Variants in CCSER1 observed in about 807,000 individuals in gnomAD.
CCSER1 encodes coiled-coil serine rich protein 1.
A neutral mutation model predicts 82.0 loss-of-function variants in CCSER1; 41 were observed. The observed-to-expected ratio is 0.50, with a 90% CI of 0.39 to 0.65. The LOEUF (loss-of-function observed/expected upper bound fraction) is 0.65, where lower values mean the gene tolerates loss of function less well. Among genes scored for constraint, CCSER1 ranks in the 30% least tolerant of loss-of-function variants. The pLI is 0.00. For missense variants in CCSER1, 1,119 were observed against 1,064.2 expected, an observed-to-expected ratio of 1.05 and a Z score of -0.72; for synonymous variants, 414 against 383.9, an observed-to-expected ratio of 1.08 and a Z score of -0.92.
At chr4:90,304,789 A>T (rs908622145) in intron 1 of CCSER1, among the ~76,000 whole-genome samples, 29 of 152,330 alleles carry the variant, frequency 1.9e-4, no homozygotes, top group African/African-American at 7.0e-4. Flanking sequence ...CCTAAAACTT[A>T]AAGTATAATA....
chr4:91,487,725 G>T (rs978887896), intron 10 of CCSER1, among the ~76,000 whole-genome samples: 11 of 151,760 alleles, frequency 7.2e-5, no homozygotes, highest in African/African-American at 2.4e-4. Flanking sequence ...TCATTCACTT[G>T]AATATCACTA....
chr4:91,352,394 G>C (rs1053995150), intron 10 of CCSER1, among the ~76,000 whole-genome samples: 1 of 152,134 alleles, frequency 6.6e-6, no homozygotes, highest in African/African-American at 2.4e-5. Flanking sequence ...CTACAGGCGT[G>C]TGCCACCATG....
chr4:91,560,361 G>C (rs1460398040), intron 10 of CCSER1, among the ~76,000 whole-genome samples: 1 of 151,332 alleles, frequency 6.6e-6, no homozygotes, highest in Non-Finnish European at 1.5e-5. Context: ...TTGATTATTT[G>C]GCATTGATAT....
intron 10 of CCSER1, among the ~76,000 whole-genome samples, chr4:91,364,388 A>C (rs1429174629): frequency 6.6e-6 from 1 of 152,050 alleles, no homozygotes. Context: ...GTGTGGTACT[A>C]TTTAATTACA....
At position 91,500,685 on chromosome 4, in the gene CCSER1, G is replaced by A. The variant is rs532430977; in HGVS notation, c.2218-97887G>A. 5.3e-5 allele frequency among the ~76,000 whole-genome samples: 8 copies of A among 151,934 alleles called. No individual in the cohort carries two copies. The South Asian group carries it at 1.7e-3, about 32-fold the overall frequency. On this transcript the variant is annotated intron_variant, in intron 10 of 10. Coordinates refer to ENST00000509176, the MANE Select transcript of CCSER1 (RefSeq NM_001145065.2). ...TTTGCCTTTTCTTTTGAGCAACCTT[G>A]GGAAACTTACTCAAACATTTTGTGC...
At chr4:91,440,385 A>T (rs1285249469) in intron 10 of CCSER1, among the ~76,000 whole-genome samples, 2 of 152,226 alleles carry the variant, frequency 1.3e-5, no homozygotes, top group Non-Finnish European at 2.9e-5. Context: ...TAACGAAATG[A>T]AGGCAGAAAT....
At chr4:91,250,497 G>A (rs141044521) in intron 10 of CCSER1, among the ~76,000 whole-genome samples, 28 of 151,914 alleles carry the variant, frequency 1.8e-4, no homozygotes, top group African/African-American at 6.0e-4. Context: ...AAATGACTAG[G>A]CAAATAGGTA....
intron 1 of CCSER1, among the ~76,000 whole-genome samples, chr4:90,280,571 T>TG (rs1223742552): frequency 6.6e-6 from 1 of 151,978 alleles, no homozygotes; most frequent in Non-Finnish European, 1.5e-5. Flanking sequence ...TTAAATTGTA[T>TG]GGTGTTTGAT....
At position 90,227,903 on chromosome 4, in the gene CCSER1, C is replaced by T. The variant is rs138807906; in HGVS notation, c.-41-80341C>T. ...TCGGGTCACTTCCACCCGAATACAG[C>T]GCTTTTCCGACGGGCTTAAAAAACG... On this transcript the variant is annotated intron_variant, in intron 1 of 10. Coordinates refer to ENST00000509176, the MANE Select transcript of CCSER1 (RefSeq NM_001145065.2). Among the ~76,000 whole-genome samples the T allele has an allele frequency of 7.7e-3, 1,179 of 152,302 alleles. 15 individuals carry two copies. Among genetic ancestry groups the T allele is most frequent in the African/African-American group, 0.027 (1,132 of 41,568 alleles).
chr4:90,595,006 TTAAG>T (rs1393769249), intron 5 of CCSER1, among the ~76,000 whole-genome samples: 1 of 152,028 alleles, frequency 6.6e-6, no homozygotes, highest in Non-Finnish European at 1.5e-5. Flanking sequence ...TTTTTATACT[TTAAG>T]TGACTAATTA....
At chr4:90,959,596 C>T (rs943557167) in intron 9 of CCSER1, among the ~76,000 whole-genome samples, 5 of 151,878 alleles carry the variant, frequency 3.3e-5, no homozygotes, top group Non-Finnish European at 7.4e-5. Flanking sequence ...ACTTAAAGTG[C>T]CCTCACTTTA....
At chr4:91,404,786 A>T (rs1036766358) in intron 10 of CCSER1, among the ~76,000 whole-genome samples, 9 of 152,116 alleles carry the variant, frequency 5.9e-5, no homozygotes, top group Non-Finnish European at 1.2e-4. Flanking sequence ...CTGTTCTTTT[A>T]CATTTGCTGA....
chr4:90,449,384 C>T (rs1019500024), intron 4 of CCSER1, among the ~76,000 whole-genome samples: 2 of 152,230 alleles, frequency 1.3e-5, no homozygotes, highest in Non-Finnish European at 2.9e-5. Context: ...GTTCACAAAA[C>T]TGGCAGCCCA....
At chr4:91,423,392 T>C (rs1753790880) in intron 10 of CCSER1, among the ~76,000 whole-genome samples, 1 of 151,926 alleles carries the variant, frequency 6.6e-6, no homozygotes, top group Non-Finnish European at 1.5e-5. Context: ...ATCATGCCAC[T>C]GCAATTCAGC....
At chr4:90,265,907 C>T (rs1725156150) in intron 1 of CCSER1, among the ~76,000 whole-genome samples, 2 of 152,066 alleles carry the variant, frequency 1.3e-5, no homozygotes, top group Admixed American at 1.3e-4. Context: ...CATTTTTAGT[C>T]ATTTAAATAC....
At chr4:90,819,023 C>T (rs1470125579) in intron 8 of CCSER1, among the ~76,000 whole-genome samples, 1 of 152,102 alleles carries the variant, frequency 6.6e-6, no homozygotes, top group African/African-American at 2.4e-5. Flanking sequence ...GTCTATTTGT[C>T]AGATTTCTGG....
chr4:90,622,340 T>C (rs1722468396), intron 5 of CCSER1, among the ~76,000 whole-genome samples: 1 of 152,182 alleles, frequency 6.6e-6, no homozygotes, highest in Non-Finnish European at 1.5e-5. Flanking sequence ...TACATATGTA[T>C]ACATGTGCCA....
intron 5 of CCSER1, among the ~76,000 whole-genome samples, chr4:90,585,184 A>C (rs1192252973): frequency 6.6e-6 from 1 of 152,226 alleles, no homozygotes; most frequent in East Asian, 1.9e-4. Context: ...AAATATTACT[A>C]TGAAGCCATT....
At chr4:90,755,335 C>T (rs1246045573) in intron 7 of CCSER1, among the ~76,000 whole-genome samples, 1 of 152,094 alleles carries the variant, frequency 6.6e-6, no homozygotes, top group Non-Finnish European at 1.5e-5. Context: ...AGTTTATTTT[C>T]CCATATTTCC....
Sources: gnomAD v4.1 joint callset for allele counts (sites outside exome capture counted in the v4.1 genomes callset) on GRCh38, gnomAD v4.1.1 for gene constraint, MANE v1.5 for transcripts, NCBI Gene and HGNC (gene_info 2026-07-23, HGNC 2026-07-21) for gene names.